Variants in ATRNL1 observed in about 807,000 individuals in gnomAD.
The protein encoded by ATRNL1 is attractin like 1.
In ATRNL1, 95 loss-of-function variants were observed where a neutral mutation model predicts 182.7. The observed-to-expected ratio is 0.52, with a 90% CI of 0.44 to 0.62. ATRNL1 has a LOEUF of 0.62. ATRNL1 is among the 20% of genes least tolerant of loss of function. The pLI, the probability that ATRNL1 is intolerant of heterozygous loss-of-function variation, is 0.00. For missense variants in ATRNL1, 1,471 were observed against 1,679.5 expected (o/e 0.88, Z 2.17); for synonymous variants, 576 against 568.3 (o/e 1.01, Z -0.19).
At chr10:115,293,877 G>A (rs1008027502) in intron 15 of ATRNL1, among the ~76,000 whole-genome samples, 5 of 152,034 alleles carry the variant, frequency 3.3e-5, no homozygotes, top group African/African-American at 7.2e-5. Context: ...CTTTTCTGTT[G>A]CTGCTTTTAG....
At chr10:115,605,920 C>G (rs1322653363) in intron 26 of ATRNL1, among the ~76,000 whole-genome samples, 1 of 151,778 alleles carries the variant, frequency 6.6e-6, no homozygotes, top group African/African-American at 2.4e-5. Context: ...TATAACTTAG[C>G]TTTTGGAAAT....
intron 27 of ATRNL1, among the ~76,000 whole-genome samples, chr10:115,831,272 C>T (rs1555093615): frequency 6.6e-6 from 1 of 152,140 alleles, no homozygotes. Context: ...CCCCTCCTAG[C>T]ACCTCCCGGC....
intron 8 of ATRNL1, among the ~76,000 whole-genome samples, chr10:115,189,439 C>A (rs1302009682): frequency 6.6e-6 from 1 of 152,044 alleles, no homozygotes; most frequent in Non-Finnish European, 1.5e-5. Flanking sequence ...ATGAATGCCC[C>A]TGAAGACCTT....
intron 24 of ATRNL1, among the ~76,000 whole-genome samples, chr10:115,473,912 G>A (rs1554972589): frequency 6.6e-6 from 1 of 151,234 alleles, no homozygotes; most frequent in African/African-American, 2.4e-5. Flanking sequence ...GATGTCAGTT[G>A]TAATGTCTCC....
chr10:115,232,593 T>C (rs1363881555), intron 9 of ATRNL1, among the ~76,000 whole-genome samples: 2 of 152,168 alleles, frequency 1.3e-5, no homozygotes, highest in Non-Finnish European at 2.9e-5. Flanking sequence ...TGGATTTTGC[T>C]TTGTGTCTTG....
At chr10:115,769,409 C>G (rs1948932990) in intron 27 of ATRNL1, among the ~76,000 whole-genome samples, 1 of 152,126 alleles carries the variant, frequency 6.6e-6, no homozygotes, top group Admixed American at 6.5e-5. Context: ...TGCTTGAAAA[C>G]TTGTGTGAAT....
At chr10:115,309,240 T>C (rs1425671190) in intron 17 of ATRNL1, among the ~76,000 whole-genome samples, 1 of 152,114 alleles carries the variant, frequency 6.6e-6, no homozygotes, top group Admixed American at 6.6e-5. Flanking sequence ...TTACTTAGGA[T>C]TGGTTTGGCT....
chr10:115,223,931 T>TATATA (rs1849588854), intron 9 of ATRNL1, among the ~76,000 whole-genome samples: 2 of 39,226 alleles, frequency 5.1e-5, no homozygotes, highest in Admixed American at 2.6e-4. Context: ...ATATATATAT[T>TATATA]TTTTTTTTTT....
chr10:115,843,524 C>T (rs1435162372), intron 27 of ATRNL1, among the ~76,000 whole-genome samples: 4 of 152,000 alleles, frequency 2.6e-5, no homozygotes, highest in South Asian at 2.1e-4. Flanking sequence ...AGATCAGGAA[C>T]GTTGGAGACC....
intron 19 of ATRNL1, among the ~76,000 whole-genome samples, chr10:115,347,967 A>C (rs1359736005): frequency 2.6e-5 from 4 of 151,980 alleles, no homozygotes; most frequent in African/African-American, 9.7e-5. Context: ...TAAATTATTT[A>C]ACTTTTAACT....
intron 25 of ATRNL1, among the ~76,000 whole-genome samples, chr10:115,536,551 G>A (rs1307823134): frequency 1.3e-5 from 2 of 152,166 alleles, no homozygotes; most frequent in Non-Finnish European, 2.9e-5. Flanking sequence ...ATTTCCTGAC[G>A]CCTTGTGCTT....
chr10:115,754,418 A>G (rs1362864906), intron 27 of ATRNL1, among the ~76,000 whole-genome samples: 1 of 152,168 alleles, frequency 6.6e-6, no homozygotes, highest in Non-Finnish European at 1.5e-5. Context: ...AACACCATTT[A>G]TTAAATAGGG....
intron 28 of ATRNL1, among the ~76,000 whole-genome samples, chr10:115,866,765 G>A (rs781813600): frequency 1.3e-5 from 2 of 152,086 alleles, no homozygotes; most frequent in African/African-American, 2.4e-5. Flanking sequence ...TTAAAGGAGC[G>A]AGAAGAAAAG....
At chr10:115,270,281 A>G (rs1382876108) in intron 13 of ATRNL1, among the ~76,000 whole-genome samples, 1 of 145,780 alleles carries the variant, frequency 6.9e-6, no homozygotes, top group Admixed American at 7.0e-5. Context: ...ATATAAATAT[A>G]TAAACATTTG....
intron 27 of ATRNL1, among the ~76,000 whole-genome samples, chr10:115,821,564 A>G (rs1419511064): frequency 1.3e-5 from 2 of 152,198 alleles, no homozygotes; most frequent in Non-Finnish European, 2.9e-5. Flanking sequence ...AAAGACACAC[A>G]TAGGCTCAAA....
chr10:115,155,529 C>G (rs1846470666), intron 5 of ATRNL1, among the ~76,000 whole-genome samples: 1 of 151,968 alleles, frequency 6.6e-6, no homozygotes, highest in Non-Finnish European at 1.5e-5. Context: ...TAAGTTTGCC[C>G]AAGGTTTCAC....
chr10:115,354,324 T>A (rs879988176), intron 19 of ATRNL1, among the ~76,000 whole-genome samples: 2 of 152,184 alleles, frequency 1.3e-5, no homozygotes, highest in African/African-American at 4.8e-5. Flanking sequence ...ACTTTCAGAT[T>A]GATAAAATCT....
intron 3 of ATRNL1, among the ~76,000 whole-genome samples, chr10:115,126,747 A>C (rs1452099877): frequency 6.6e-6 from 1 of 152,206 alleles, no homozygotes; most frequent in Non-Finnish European, 1.5e-5. Flanking sequence ...AACTGTTTAA[A>C]GGAATTGACC....
In ATRNL1 at chr10:115,238,520, G is replaced by GTGTTTT. The variant is rs568741107; in HGVS notation, c.1533-3046_1533-3041dup. 8.7e-3 allele frequency among the ~76,000 whole-genome samples: 1,320 copies of GTGTTTT among 152,110 alleles called. 8 individuals are homozygous for GTGTTTT. Among genetic ancestry groups the GTGTTTT allele is most frequent in the Non-Finnish European group, 0.013 (900 of 67,952 alleles). On this transcript the variant is annotated intron_variant, in intron 9 of 28. Transcript: ENST00000355044. ...TTTTGGTTCTAATGTAAATGGTATT[G>GTGTTTT]TGTTTTTGTTCTTGTTCACTGCTGG...
Sources: gnomAD v4.1 joint callset for allele counts (sites outside exome capture counted in the v4.1 genomes callset) on GRCh38, gnomAD v4.1.1 for gene constraint, MANE v1.5 for transcripts, NCBI Gene and HGNC (gene_info 2026-07-23, HGNC 2026-07-21) for gene names.